Variants in EYA2 observed in about 807,000 individuals in gnomAD.
The protein encoded by EYA2 is EYA transcriptional coactivator and phosphatase 2, also known as protein phosphatase EYA2.
In EYA2, 31 loss-of-function variants were observed where a neutral mutation model predicts 69.2. The ratio of observed to expected loss-of-function variants is 0.45; its 90% CI spans 0.34 to 0.60. The LOEUF (loss-of-function observed/expected upper bound fraction) is 0.60. Ranked by LOEUF, EYA2 falls within the 20% of genes least tolerant of loss-of-function variation. The pLI, the probability that EYA2 is intolerant of heterozygous loss-of-function variation, is 0.02. For missense variants in EYA2, 622 were observed against 701.2 expected (o/e 0.89, Z 1.28); for synonymous variants, 257 against 279.4 (o/e 0.92, Z 0.80).
intron 1 of EYA2, chr20:46,901,460 A>C (rs953390046): frequency 1.3e-5 from 2 of 152,230 alleles, no homozygotes; most frequent in African/African-American, 4.8e-5. Context: ...GCTTCCTGAA[A>C]TACAGAGTCA....
chr20:47,098,958 G>A (rs1471511287), intron 9 of EYA2, among the ~76,000 whole-genome samples: 5 of 152,116 alleles, frequency 3.3e-5, no homozygotes, highest in Non-Finnish European at 7.3e-5. Flanking sequence ...CTCTCCCATC[G>A]CTGCTGGGTT....
At chr20:46,983,666 G>C (rs943241637) in intron 1 of EYA2, among the ~76,000 whole-genome samples, 3 of 152,158 alleles carry the variant, frequency 2.0e-5, no homozygotes, top group Non-Finnish European at 4.4e-5. Context: ...TCAACAATAT[G>C]AGACTCATAC....
intron 7 of EYA2, among the ~76,000 whole-genome samples, chr20:47,087,959 G>A (rs946903970): frequency 6.6e-6 from 1 of 152,260 alleles, no homozygotes; most frequent in African/African-American, 2.4e-5. Flanking sequence ...GGGCACAGTG[G>A]CTCACGCCTG....
chr20:47,180,724 G>A (rs951319063), intron 13 of EYA2, 91 bp from the exon 14 acceptor site: 5 of 1,513,594 alleles, frequency 3.3e-6, no homozygotes, highest in Non-Finnish European at 4.5e-6. Flanking sequence ...AAGCCTACCA[G>A]ATTTCCCGCC....
At chr20:47,152,211 C>T (rs998077539) in intron 10 of EYA2, among the ~76,000 whole-genome samples, 8 of 151,798 alleles carry the variant, frequency 5.3e-5, no homozygotes, top group South Asian at 2.1e-4. Context: ...CAACCTCAGC[C>T]GGGTGCCTGG....
At chr20:47,164,171 C>T (rs76763757) in intron 10 of EYA2, among the ~76,000 whole-genome samples, 30 of 152,150 alleles carry the variant, frequency 2.0e-4, no homozygotes, top group Admixed American at 7.2e-4. Context: ...GAGGCTCCCC[C>T]ATCCTCGTGG....
At chr20:47,000,760 A>T (rs1247912957) in intron 2 of EYA2, among the ~76,000 whole-genome samples, 1 of 152,112 alleles carries the variant, frequency 6.6e-6, no homozygotes, top group African/African-American at 2.4e-5. Context: ...TACTTGCATC[A>T]GGAGCCCAGG....
At chr20:46,980,570 G>A (rs1980768658) in intron 1 of EYA2, among the ~76,000 whole-genome samples, 1 of 152,062 alleles carries the variant, frequency 6.6e-6, no homozygotes, top group Non-Finnish European at 1.5e-5. Flanking sequence ...CAGCATAATT[G>A]GGATTTCATC....
intron 8 of EYA2, among the ~76,000 whole-genome samples, chr20:47,094,694 A>T (rs1409405640): frequency 1.3e-5 from 2 of 152,230 alleles, no homozygotes; most frequent in African/African-American, 2.4e-5. Flanking sequence ...TGTCCTTGAA[A>T]ATAATGATCA....
At chr20:46,990,360 A>T (rs901761042) in intron 2 of EYA2, among the ~76,000 whole-genome samples, 1 of 152,198 alleles carries the variant, frequency 6.6e-6, no homozygotes, top group Non-Finnish European at 1.5e-5. Context: ...TTGGTCTCCA[A>T]TTCCAAGAAA....
chr20:47,171,892 G>C (rs1427314735), intron 11 of EYA2, among the ~76,000 whole-genome samples: 1 of 152,068 alleles, frequency 6.6e-6, no homozygotes, highest in Non-Finnish European at 1.5e-5. Flanking sequence ...CGGAGTGCAA[G>C]ACCAGCCTGG....
Position 47,016,228 on chromosome 20 carries a change from T to C in EYA2, c.346T>C (p.Phe116Leu), listed in dbSNP as rs1983402881. ...SLNHSPGQSGFLSYGSSFSTS... is the reference protein window; with the variant it reads ...SLNHSPGQSGLLSYGSSFSTS... Reference sequence around the variant, plus strand: ...GAACCATTCCCCTGGCCAGAGTGGATTCCTCAGCTATGGCTCCAGCTTCAG... The same window carrying C: ...GAACCATTCCCCTGGCCAGAGTGGACTCCTCAGCTATGGCTCCAGCTTCAG... Residue 116 changes from phenylalanine (F) to leucine (L), a missense_variant, in exon 5 of 16, where the codon TTC (phenylalanine) becomes CTC (leucine). Phe to Leu is a conservative substitution (Grantham distance 22). Transcript: ENST00000327619. The C allele has an allele frequency of 6.2e-7, 1 of 1,614,040 alleles. No individual in the cohort carries two copies. The highest frequency in any genetic ancestry group is 8.5e-7 in the Non-Finnish European group (1 of 1,180,026).
At chr20:46,952,861 A>G (rs891585129) in intron 1 of EYA2, among the ~76,000 whole-genome samples, 2 of 152,174 alleles carry the variant, frequency 1.3e-5, no homozygotes, top group African/African-American at 2.4e-5. Context: ...TGCATTCCCA[A>G]TTATCTTAAG....
chr20:47,088,366 AGT>A (rs935485702), intron 7 of EYA2, among the ~76,000 whole-genome samples: 10 of 152,364 alleles, frequency 6.6e-5, no homozygotes, highest in African/African-American at 2.2e-4. Context: ...AAGGTGGAAG[AGT>A]GTAATGCTCA....
chr20:46,906,217 C>T (rs547107213), intron 1 of EYA2, among the ~76,000 whole-genome samples: 1 of 152,366 alleles, frequency 6.6e-6, no homozygotes, highest in African/African-American at 2.4e-5. Flanking sequence ...AAGTGGCACA[C>T]AGCCATGGCA....
intron 4 of EYA2, among the ~76,000 whole-genome samples, chr20:47,009,357 T>G (rs1982922223): frequency 6.6e-6 from 1 of 152,252 alleles, no homozygotes; most frequent in African/African-American, 2.4e-5. Flanking sequence ...CATTGCTCCT[T>G]GGCAAATAGT....
At chr20:47,075,545 G>A (rs942535835) in intron 7 of EYA2, among the ~76,000 whole-genome samples, 2 of 151,992 alleles carry the variant, frequency 1.3e-5, no homozygotes, top group African/African-American at 2.4e-5. Context: ...GGCTGTGTAC[G>A]GCCAGGAATA....
chr20:46,953,011 C>CA (rs1371617566), intron 1 of EYA2, among the ~76,000 whole-genome samples: 3 of 152,188 alleles, frequency 2.0e-5, no homozygotes, highest in African/African-American at 7.2e-5. Flanking sequence ...GTTCAATTTT[C>CA]AAATGTCATC....
Position 47,164,039 on chromosome 20 carries a change from G to A in EYA2, c.979-5100G>A, listed in dbSNP as rs1055930485. Among the ~76,000 whole-genome samples, 12 of 152,208 alleles carry A rather than the reference G, an allele frequency of 7.9e-5. 1 individual carries two copies. Among genetic ancestry groups the A allele is most frequent in the Admixed American group, 2.6e-4 (4 of 15,292 alleles). On this transcript the variant is annotated intron_variant, in intron 10 of 15. Transcript: ENST00000327619. ...CCCCAAGATACTCATACTTTGACCC[G>A]GAAGAGACCAGAAGCACCCTGCAGT...
Sources: allele counts gnomAD v4.1 joint callset (sites outside exome capture counted in the v4.1 genomes callset), GRCh38; gene constraint gnomAD v4.1.1; transcripts MANE v1.5; gene names NCBI Gene and HGNC (gene_info 2026-07-23, HGNC 2026-07-21).